Variants in CCDC170 observed in about 807,000 individuals in gnomAD.
CCDC170 encodes coiled-coil domain-containing protein 170.
A neutral mutation model predicts 72.6 loss-of-function variants in CCDC170; 69 were observed. The observed-to-expected ratio is 0.95, with a 90% CI of 0.78 to 1.16. The LOEUF (loss-of-function observed/expected upper bound fraction) is 1.16, where lower values mean the gene tolerates loss of function less well. Ranked by LOEUF, CCDC170 falls within the 50% of genes most tolerant of loss-of-function variation. The pLI is 0.00. For missense variants in CCDC170, 852 were observed against 832.5 expected (o/e 1.02, Z -0.29); for synonymous variants, 300 against 303.9 (o/e 0.99, Z 0.13).
chr6:151,496,845 C>G (rs1268723715), intron 1 of CCDC170, among the ~76,000 whole-genome samples: 3 of 152,214 alleles, frequency 2.0e-5, no homozygotes, highest in Non-Finnish European at 4.4e-5. Context: ...AATCATAAAA[C>G]TTATCGCATA....
At chr6:151,590,206 A>G (rs1410003672) in intron 7 of CCDC170, among the ~76,000 whole-genome samples, 1 of 152,074 alleles carries the variant, frequency 6.6e-6, no homozygotes, top group East Asian at 1.9e-4. Context: ...TTGTTTTTAA[A>G]TTTTTTCTTC....
chr6:151,614,601 C>A (rs59222220), intron 9 of CCDC170, among the ~76,000 whole-genome samples: 8 of 151,624 alleles, frequency 5.3e-5, no homozygotes, highest in Non-Finnish European at 1.0e-4. Context: ...ATTACAGGTG[C>A]CTGCCACCAT....
At chr6:151,568,755 T>C (rs537171792) in intron 5 of CCDC170, among the ~76,000 whole-genome samples, 1 of 152,364 alleles carries the variant, frequency 6.6e-6, no homozygotes, top group East Asian at 1.9e-4. Context: ...TATTGGTATA[T>C]AAAGAACTTC....
chr6:151,497,453 C>G (rs1168596060), intron 1 of CCDC170, among the ~76,000 whole-genome samples: 1 of 152,148 alleles, frequency 6.6e-6, no homozygotes, highest in Non-Finnish European at 1.5e-5. Flanking sequence ...ACTCCTTCAT[C>G]AACACTAAAA....
intron 1 of CCDC170, among the ~76,000 whole-genome samples, chr6:151,511,175 C>CTTTG (rs1279465495): frequency 6.6e-6 from 1 of 152,176 alleles, no homozygotes; most frequent in Non-Finnish European, 1.5e-5. Context: ...AACTCACTAA[C>CTTTG]TTTGCTTCTA....
At chr6:151,559,465 A>G (rs1396978265) in intron 5 of CCDC170, among the ~76,000 whole-genome samples, 4 of 152,046 alleles carry the variant, frequency 2.6e-5, no homozygotes, top group African/African-American at 4.8e-5. Flanking sequence ...TTTTGTTGGT[A>G]TTGCAAATGG....
intron 5 of CCDC170, among the ~76,000 whole-genome samples, chr6:151,556,966 G>C (rs1032572268): frequency 2.0e-5 from 3 of 152,090 alleles, no homozygotes; most frequent in Non-Finnish European, 4.4e-5. Context: ...TCCTGCATAT[G>C]AGTGAGAACA....
intron 6 of CCDC170, among the ~76,000 whole-genome samples, chr6:151,573,741 A>G (rs1776263570): frequency 1.3e-5 from 2 of 152,184 alleles, no homozygotes; most frequent in South Asian, 2.1e-4. Context: ...GAGAGTGTGC[A>G]GGGGAACTGC....
intron 5 of CCDC170, among the ~76,000 whole-genome samples, chr6:151,572,732 C>T (rs1221385426): frequency 7.6e-6 from 1 of 132,230 alleles, no homozygotes; most frequent in African/African-American, 2.9e-5. Flanking sequence ...TCACTGCAAC[C>T]TCCACCTCCC....
chr6:151,591,332 G>A (rs895427619), intron 7 of CCDC170, among the ~76,000 whole-genome samples: 1 of 152,140 alleles, frequency 6.6e-6, no homozygotes, highest in Non-Finnish European at 1.5e-5. Context: ...CAAGCACTTA[G>A]TAAGCATTGT....
chr6:151,505,545 G>T (rs944554960), intron 1 of CCDC170, among the ~76,000 whole-genome samples: 1 of 152,088 alleles, frequency 6.6e-6, no homozygotes, highest in Non-Finnish European at 1.5e-5. Context: ...TTAGCCGGGC[G>T]TGGTGGCTGG....
intron 1 of CCDC170, among the ~76,000 whole-genome samples, chr6:151,509,456 T>C (rs1782116632): frequency 6.6e-6 from 1 of 152,204 alleles, no homozygotes; most frequent in South Asian, 2.1e-4. Flanking sequence ...TTGCTTAAAA[T>C]AGGACCTGAA....
intron 1 of CCDC170, among the ~76,000 whole-genome samples, chr6:151,512,162 GTTTTTTTTTT>G (rs546546640): frequency 7.9e-6 from 1 of 126,452 alleles, no homozygotes; most frequent in Non-Finnish European, 1.7e-5. Context: ...GTTTTTTTTT[GTTTTTTTTTT>G]TTTTTGAGAT....
intron 1 of CCDC170, among the ~76,000 whole-genome samples, chr6:151,500,859 CTT>C (rs1284877156): frequency 6.6e-6 from 1 of 152,058 alleles, no homozygotes; most frequent in East Asian, 1.9e-4. Context: ...AAACATATCT[CTT>C]AGTATTTTGT....
chr6:151,559,595 G>GT (rs922977942), intron 5 of CCDC170, among the ~76,000 whole-genome samples: 2 of 152,108 alleles, frequency 1.3e-5, no homozygotes, highest in African/African-American at 4.8e-5. Flanking sequence ...AGCTTTAAGA[G>GT]TTTTTTTGGT....
intron 4 of CCDC170, among the ~76,000 whole-genome samples, chr6:151,547,351 G>C (rs563175903): frequency 6.6e-6 from 1 of 152,146 alleles, no homozygotes; most frequent in African/African-American, 2.4e-5. Context: ...AAATATCTAC[G>C]ATTGCTCCAC....
intron 7 of CCDC170, among the ~76,000 whole-genome samples, chr6:151,590,026 C>T (rs368100727): frequency 8.5e-5 from 13 of 152,190 alleles, no homozygotes; most frequent in South Asian, 4.2e-4. Context: ...CTATTTTCAC[C>T]GAGAGAATGT....
chr6:151,592,278 G>A (rs186472931), intron 7 of CCDC170, among the ~76,000 whole-genome samples: 183 of 152,140 alleles, frequency 1.2e-3, no homozygotes, highest in African/African-American at 4.0e-3. Flanking sequence ...GAGAATTGCC[G>A]GAACCTGGGA....
In CCDC170 at chr6:151,538,251, G is replaced by C; in HGVS notation, c.393G>C (p.Lys131Asn). The C allele has an allele frequency of 6.2e-7, 1 of 1,613,648 alleles. No individual in the cohort carries two copies. Among genetic ancestry groups the C allele is most frequent in the Non-Finnish European group, 8.5e-7 (1 of 1,179,834 alleles). The change falls in exon 3 of 11, where the codon AAG (lysine) becomes AAC (asparagine). Residue 131 changes from lysine (K) to asparagine (N), a missense_variant. Transcript: ENST00000239374. ...RTEITAHAAI[K>N]ENQELKKKVV... ...AAATCACAGCTCACGCTGCAATCAA[G>C]GAGAACCAGGAATTAAAGAAGAAAG...
Sources: allele counts gnomAD v4.1 joint callset (sites outside exome capture counted in the v4.1 genomes callset), GRCh38; gene constraint gnomAD v4.1.1; transcripts MANE v1.5; gene names NCBI Gene and HGNC (gene_info 2026-07-23, HGNC 2026-07-21).